Variants in TPM3 observed in about 807,000 individuals in gnomAD.
TPM3 encodes tropomyosin 3.
In TPM3, 16 loss-of-function variants were observed where a neutral mutation model predicts 43.1. That is an observed-to-expected ratio of 0.37 (90% confidence interval 0.25 to 0.56). The LOEUF (loss-of-function observed/expected upper bound fraction) is 0.56. Among genes scored for constraint, TPM3 ranks in the 20% least tolerant of loss-of-function variants. The probability of loss-of-function intolerance (pLI) is 0.77; values close to 1 mark genes in which losing one functional copy is unlikely to be tolerated. For synonymous variants in TPM3, 101 were observed against 116.9 expected (o/e 0.86, Z 0.88); for missense variants, 176 against 337.2 (o/e 0.52, Z 3.74).
chr1:154,189,280 C>T (rs966861011), intron 2 of TPM3, among the ~76,000 whole-genome samples: 3 of 145,828 alleles, frequency 2.1e-5, no homozygotes, highest in Admixed American at 7.0e-5. Flanking sequence ...GTTAGGAGTT[C>T]GAGACCAGCA....
At position 154,166,689 on chromosome 1, in the gene TPM3, CTTT is replaced by C; in HGVS notation, c.*1245_*1247del. 1.1e-6 allele frequency: 1 copy of C among 929,160 alleles called. No individual in the cohort carries two copies. Among genetic ancestry groups the C allele is most frequent in the Non-Finnish European group, 1.3e-6 (1 of 772,690 alleles). 57.6% of individuals were successfully genotyped at this position (929,160 alleles called of 1,614,324 possible). ...GCTGTGTAAATTGGAATGCGAATTC[CTTT>C]TTTTTTTTTGAGATGGAGTCTCTCT... is the stretch of plus-strand genomic sequence containing the variant. On this transcript the variant is annotated 3_prime_UTR_variant, in exon 10 of 10. Transcript: ENST00000651641.
intron 2 of TPM3, among the ~76,000 whole-genome samples, chr1:154,182,111 T>C (rs61806853): frequency 0.033 from 5,050 of 152,308 alleles, 109 homozygotes; most frequent in Middle Eastern, 0.075. Flanking sequence ...ATACACTCGC[T>C]TATCAGCTCT....
downstream of TPM3, among the ~76,000 whole-genome samples, chr1:154,159,991 CTTTTTTTTT>C (rs60242183): frequency 1.5e-5 from 2 of 129,866 alleles, no homozygotes; most frequent in Non-Finnish European, 3.3e-5. Context: ...AAGTTATTTC[CTTTTTTTTT>C]TTTTTTTTTT....
downstream of TPM3, among the ~76,000 whole-genome samples, chr1:154,160,516 G>C (rs754077520): frequency 1.3e-5 from 2 of 152,198 alleles, no homozygotes; most frequent in Non-Finnish European, 2.9e-5. Flanking sequence ...TTAAACAGTA[G>C]AATCAGGGTG....
intron 3 of TPM3, among the ~76,000 whole-genome samples, chr1:154,174,385 T>TATATAC (rs1553249355): frequency 1.1e-5 from 1 of 94,328 alleles, no homozygotes; most frequent in Non-Finnish European, 2.0e-5. Flanking sequence ...TATATATATA[T>TATATAC]ATATATATAT....
At chr1:154,189,040 G>A (rs1663546652) in intron 2 of TPM3, among the ~76,000 whole-genome samples, 1 of 148,866 alleles carries the variant, frequency 6.7e-6, no homozygotes, top group African/African-American at 2.5e-5. Flanking sequence ...ACTGAGGCAG[G>A]AGAATCACTT....
chr1:154,173,243 G>A (rs754858294), intron 3 of TPM3, 42 bp from the exon 4 acceptor site: 1 of 1,544,144 alleles, frequency 6.5e-7, no homozygotes, highest in African/African-American at 1.4e-5. Context: ...ACCCTGAGGA[G>A]TGTGTCGTCA....
chr1:154,182,863 T>C, intron 2 of TPM3: 1 of 1,471,774 alleles, frequency 6.8e-7, no homozygotes. Flanking sequence ...TCCTCCGAGA[T>C]CCCAACTTCA....
chr1:154,173,726 A>G (rs1252638692), intron 3 of TPM3, among the ~76,000 whole-genome samples: 1 of 152,072 alleles, frequency 6.6e-6, no homozygotes, highest in African/African-American at 2.4e-5. Flanking sequence ...GCAGTGGCTC[A>G]TGCCTGTAAT....
At chr1:154,160,289 T>G (rs1212630362), downstream of TPM3, among the ~76,000 whole-genome samples, 1 of 152,216 alleles carries the variant, frequency 6.6e-6, no homozygotes, top group African/African-American at 2.4e-5. Flanking sequence ...TCTCAGGATC[T>G]CAATATGAAA....
chr1:154,155,717 A>C (rs1659732995), downstream of TPM3: 1 of 227,614 alleles, frequency 4.4e-6, no homozygotes, highest in Admixed American at 5.7e-5. Context: ...CATTTATAGT[A>C]GTGATCAGCA....
chr1:154,164,145 A>G lies in TPM3; in HGVS notation c.*3792T>C, dbSNP rs1212500720. Among the ~76,000 whole-genome samples, 2 of 151,666 alleles carry G rather than the reference A, an allele frequency of 1.3e-5. No homozygotes were observed. The highest frequency in any genetic ancestry group is 4.8e-5 in the African/African-American group (2 of 41,266). On this transcript the variant is annotated 3_prime_UTR_variant, in exon 10 of 10. Coordinates refer to ENST00000651641, the MANE Select transcript of TPM3 (RefSeq NM_152263.4). ...CAAACCAGGACAACATGATCTCCCTACATCTTTAACCCCACCACTTTCCTA... is the reference window on the plus strand; with the variant it reads ...CAAACCAGGACAACATGATCTCCCTGCATCTTTAACCCCACCACTTTCCTA...
chr1:154,186,164 A>T, intron 2 of TPM3, among the ~76,000 whole-genome samples: 1 of 151,636 alleles, frequency 6.6e-6, no homozygotes, highest in East Asian at 1.9e-4. Context: ...TCTGACTCTT[A>T]ATAGACTCTA....
chr1:154,161,808 CAG>C (rs1340882935), downstream of TPM3, among the ~76,000 whole-genome samples: 3 of 152,052 alleles, frequency 2.0e-5, no homozygotes, highest in African/African-American at 7.2e-5. Flanking sequence ...AATAAAGAGA[CAG>C]AGAAGGAGTG....
rs2148212365 is a variant in TPM3, at chr1:154,165,502, A to T, written c.*2435T>A. ...ATAAAAATGAATATGCAAGTTTAAC[A>T]TGTTGGCTGGGCGCAGTGGCTCAAG... On this transcript the variant is annotated 3_prime_UTR_variant, in exon 10 of 10. Transcript: ENST00000651641. Among the ~76,000 whole-genome samples the T allele has an allele frequency of 6.7e-6, 1 of 150,126 alleles. No homozygotes were observed. Among genetic ancestry groups the T allele is most frequent in the East Asian group, 2.0e-4 (1 of 4,906 alleles).
chr1:154,183,309 A>G (rs1663195031), intron 2 of TPM3: 2 of 1,482,362 alleles, frequency 1.3e-6, no homozygotes, highest in South Asian at 2.6e-5. Context: ...CTGGAGGGAG[A>G]GCCGCGGCAG....
At chr1:154,160,679 C>G (rs968602016), downstream of TPM3, among the ~76,000 whole-genome samples, 3 of 152,088 alleles carry the variant, frequency 2.0e-5, no homozygotes, top group Admixed American at 6.6e-5. Context: ...GGGCAGGGGA[C>G]AGCAATACAC....
chr1:154,177,186 C>T (rs565402911), intron 2 of TPM3, among the ~76,000 whole-genome samples: 3 of 152,206 alleles, frequency 2.0e-5, no homozygotes, highest in Admixed American at 6.5e-5. Flanking sequence ...CTTGTGCCCC[C>T]GTACTCCTTT....
rs1458369845 is a variant in TPM3, at chr1:154,165,601, C to T, written c.*2336G>A. Among the ~76,000 whole-genome samples, 1 of 151,806 alleles carries T rather than the reference C, an allele frequency of 6.6e-6. No homozygotes were observed. The highest frequency in any genetic ancestry group is 2.4e-5 in the African/African-American group (1 of 41,326). ...GTCAGGAGTTCCAGACCAGCCTGGC[C>T]AACATGGTGAAACCTCACCTCTACT... is the stretch of plus-strand genomic sequence containing the variant. On this transcript the variant is annotated 3_prime_UTR_variant, in exon 10 of 10. Transcript: ENST00000651641.
Sources: allele counts gnomAD v4.1 joint callset (sites outside exome capture counted in the v4.1 genomes callset), GRCh38; gene constraint gnomAD v4.1.1; transcripts MANE v1.5; gene names NCBI Gene and HGNC (gene_info 2026-07-23, HGNC 2026-07-21).